PCDHGA3: variants seen among roughly 807,000 people sequenced by gnomAD.
PCDHGA3 encodes the protein protocadherin gamma subfamily A, 3.
In PCDHGA3, 40 loss-of-function variants were observed where a neutral mutation model predicts 58.5. That is an observed-to-expected ratio of 0.68 (90% CI 0.53 to 0.89). The LOEUF (loss-of-function observed/expected upper bound fraction) is 0.89. Among genes scored for constraint, PCDHGA3 ranks in the 40% least tolerant of loss-of-function variants. The pLI is 0.00. For missense variants in PCDHGA3, 1,223 were observed against 1,195.9 expected (o/e 1.02, Z -0.33); for synonymous variants, 530 against 525.7 (o/e 1.01, Z -0.11).
chr5:141,381,826 C>CTTTTTTTTTTTTTTTTTTT (rs770630741), intron 1 of PCDHGA3, among the ~76,000 whole-genome samples: 6 of 74,282 alleles, frequency 8.1e-5, no homozygotes, highest in Non-Finnish European at 9.4e-5. Context: ...CTTTCTTCTT[C>CTTTTTTTTTTTTTTTTTTT]TTTTTTTTTT....
chr5:141,371,842 C>T (rs1768100584), intron 1 of PCDHGA3: 3 of 1,613,586 alleles, frequency 1.9e-6, no homozygotes, highest in African/African-American at 1.3e-5. Context: ...GACTTGGGAC[C>T]TAATGGCCTT....
intron 1 of PCDHGA3, chr5:141,374,130 T>G (rs368568776): frequency 1.2e-5 from 20 of 1,604,086 alleles, no homozygotes; most frequent in African/African-American, 2.7e-5. Context: ...CAGGTCCTGC[T>G]CCTCACGCTC....
chr5:141,410,549 G>T, intron 1 of PCDHGA3: 1 of 1,613,438 alleles, frequency 6.2e-7, no homozygotes, highest in East Asian at 2.2e-5. Context: ...GGTTTGCAGT[G>T]TTTCTCCTGG....
At chr5:141,466,545 T>C (rs2099124777) in intron 1 of PCDHGA3, among the ~76,000 whole-genome samples, 1 of 152,216 alleles carries the variant, frequency 6.6e-6, no homozygotes. Flanking sequence ...AGATGGTCTT[T>C]TGCTGTGGGC....
In PCDHGA3 at chr5:141,389,591, C is replaced by G. The variant is rs533336501; in HGVS notation, c.2424+43134C>G. ...TGTACCCCGCGCTGGGTCCCGACGG[C>G]TCTGCGCTCTTCGATATGGTGCCGC... On this transcript the variant is annotated intron_variant, in intron 1 of 3. Transcript: ENST00000253812. 2.1e-5 allele frequency: 34 copies of G among 1,613,176 alleles called. No homozygotes were observed. The African/African-American group carries it at 2.1e-4, about 10-fold the overall frequency.
At chr5:141,372,646 C>A in intron 1 of PCDHGA3, 2 of 1,614,008 alleles carry the variant, frequency 1.2e-6, no homozygotes, top group Non-Finnish European at 1.7e-6. Context: ...TTGCCTTATT[C>A]CTACAATCCG....
intron 1 of PCDHGA3, chr5:141,427,178 A>G (rs1175390589): frequency 4.4e-6 from 2 of 456,644 alleles, no homozygotes; most frequent in Admixed American, 2.3e-5. Flanking sequence ...AAAATGGGGA[A>G]ATTAAATCCA....
At chr5:141,415,473 C>T in intron 1 of PCDHGA3, 2 of 1,614,224 alleles carry the variant, frequency 1.2e-6, no homozygotes, top group Non-Finnish European at 1.7e-6. Flanking sequence ...TCACCGCGGA[C>T]TCGCGAAAGA....
At chr5:141,365,398 C>G in intron 1 of PCDHGA3, 1 of 1,613,978 alleles carries the variant, frequency 6.2e-7, no homozygotes, top group South Asian at 1.1e-5. Flanking sequence ...CCAGTTCGAT[C>G]TCTGAAGACT....
intron 1 of PCDHGA3, among the ~76,000 whole-genome samples, chr5:141,447,276 A>G (rs2098532917): frequency 6.6e-6 from 1 of 151,994 alleles, no homozygotes; most frequent in South Asian, 2.1e-4. Flanking sequence ...AGTAGCTGGG[A>G]CTACAGGCAC....
rs1378433689 is a variant in PCDHGA3, at chr5:141,409,139, G to A, written c.2424+62682G>A. Reference sequence around the variant, plus strand: ...CCAGTCATTTGATTTTGAAGATGTAGAAAGGTACACCATGGAAGTGGAAGC... The same window carrying A: ...CCAGTCATTTGATTTTGAAGATGTAAAAAGGTACACCATGGAAGTGGAAGC... On this transcript the variant is annotated intron_variant, in intron 1 of 3. Transcript: ENST00000253812. 5.6e-6 allele frequency: 9 copies of A among 1,613,894 alleles called. No homozygotes were observed. In the Admixed American group the frequency reaches 1.5e-4, roughly 27 times the overall value.
intron 1 of PCDHGA3, among the ~76,000 whole-genome samples, chr5:141,467,772 C>A (rs972304213): frequency 1.3e-5 from 2 of 151,686 alleles, no homozygotes; most frequent in Admixed American, 6.6e-5. Flanking sequence ...AGTGCCCGCA[C>A]CTCAGCCTCT....
intron 1 of PCDHGA3, among the ~76,000 whole-genome samples, chr5:141,455,776 A>G (rs1386162201): frequency 6.6e-6 from 1 of 152,186 alleles, no homozygotes. Context: ...GGGCTTTAAA[A>G]GAAACTTTTC....
At chr5:141,442,006 G>T (rs540427406) in intron 1 of PCDHGA3, 2 of 229,074 alleles carry the variant, frequency 8.7e-6, no homozygotes, top group South Asian at 4.9e-5. Flanking sequence ...CTGACAGCTC[G>T]CACGATGGGC....
Position 141,477,350 on chromosome 5 carries a change from A to G in PCDHGA3, c.2425-17457A>G. The G allele has an allele frequency of 6.2e-7, 1 of 1,614,142 alleles. No individual in the cohort carries two copies. Among genetic ancestry groups the G allele is most frequent in the Non-Finnish European group, 8.5e-7 (1 of 1,180,016 alleles). On this transcript the variant is annotated intron_variant, in intron 1 of 3. Transcript: ENST00000253812. The surrounding 1 kb of genome is among the most constrained non-coding windows in gnomAD (Gnocchi z 4.9). ...CAAGAATTACTTCACTTTGAAAACC[A>G]GTGCAGACCTGGATCGGGAGACTGT...
Position 141,509,375 on chromosome 5 carries a change from T to C in PCDHGA3, c.2573-1572T>C, listed in dbSNP as rs1450730489. Among the ~76,000 whole-genome samples, 6 of 152,168 alleles carry C rather than the reference T, an allele frequency of 3.9e-5. No homozygotes were observed. In the East Asian group the frequency reaches 1.2e-3, roughly 29 times the overall value. On this transcript the variant is annotated intron_variant, in intron 3 of 3. Coordinates refer to ENST00000253812, the MANE Select transcript of PCDHGA3 (RefSeq NM_018916.4). ...GGGCATCCCTGAGGTTTTAACTGTC[T>C]CCTAACCACAGAGGATCTCAGGGCC...
rs979750945 is a variant in PCDHGA3 at position 141,478,807 on chromosome 5, A to G, written c.2425-16000A>G. The G allele has an allele frequency of 3.4e-6, 5 of 1,459,258 alleles. No homozygotes were observed. The African/African-American group carries it at 5.7e-5, about 17-fold the overall frequency. 90.4% of individuals were successfully genotyped at this position (1,459,258 alleles called of 1,614,324 possible). On this transcript the variant is annotated intron_variant, in intron 1 of 3. Transcript: ENST00000253812. The stretch of plus-strand genomic sequence containing the variant: ...TTCACATCCTCAGCACTCTTTTGCT[A>G]TCACAACTAACCAATCTTGCTAAGG...
At position 141,485,163 on chromosome 5, in the gene PCDHGA3, G is replaced by A. The variant is rs2099608470; in HGVS notation, c.2425-9644G>A. 14 of 1,604,624 alleles carry A rather than the reference G, an allele frequency of 8.7e-6. No individual in the cohort carries two copies. The highest frequency in any genetic ancestry group is 1.1e-5 in the Non-Finnish European group (13 of 1,172,560). ...TCTCAGGAGCAAGTAGAGAATTAGCGGGCGGCAGCAATGCTCCGCAAGGTG... is the reference window on the plus strand; with the variant it reads ...TCTCAGGAGCAAGTAGAGAATTAGCAGGCGGCAGCAATGCTCCGCAAGGTG... On this transcript the variant is annotated intron_variant, in intron 1 of 3. Coordinates refer to ENST00000253812, the MANE Select transcript of PCDHGA3 (RefSeq NM_018916.4). The surrounding 1 kb of genome is among the most constrained non-coding windows in gnomAD (Gnocchi z 5.7).
intron 1 of PCDHGA3, chr5:141,416,087 G>A (rs1201318552): frequency 1.2e-5 from 2 of 165,800 alleles, no homozygotes; most frequent in East Asian, 3.3e-4. Flanking sequence ...TTCCCAAGGA[G>A]AAGGGCAATA....
Sources: gnomAD v4.1 joint callset for allele counts (sites outside exome capture counted in the v4.1 genomes callset) on GRCh38, gnomAD v4.1.1 for gene constraint, Gnocchi (gnomAD v3.1) non-coding constraint, MANE v1.5 for transcripts, NCBI Gene and HGNC (gene_info 2026-07-23, HGNC 2026-07-21) for gene names.